FLRT2: variants seen among roughly 807,000 people sequenced by gnomAD.
FLRT2 encodes the protein fibronectin leucine rich transmembrane protein 2.
FLRT2 carries 15 observed loss-of-function variants against 40.0 expected under a neutral mutation model. The ratio of observed to expected loss-of-function variants is 0.38; its 90% CI spans 0.25 to 0.58. The LOEUF (loss-of-function observed/expected upper bound fraction) is 0.58. Among genes scored for constraint, FLRT2 ranks in the 20% least tolerant of loss-of-function variants. FLRT2 has a pLI of 0.71. For synonymous variants in FLRT2, 380 were observed against 336.8 expected (o/e 1.13, Z -1.41); for missense variants, 726 against 840.0 (o/e 0.86, Z 1.68).
chr14:85,622,628 C>T lies in FLRT2; in HGVS notation c.1114C>T (p.Pro372Ser), dbSNP rs1172975541. ...TTTPGLPLFT[P>S]APSTASPTTQ... ...GACCCCCGGCCTGCCTCTCTTCACC[C>T]CAGCCCCAAGTACAGCTTCTCCGAC... The change falls in exon 2 of 2, where the codon CCA becomes TCA. Residue 372 changes from proline (P) to serine (S), a missense_variant. By Grantham distance (74) the Pro-to-Ser change is moderately conservative. This residue lies in a region of FLRT2 where 611 missense variants were observed against 690.0 expected (regional missense o/e 0.89). Coordinates refer to ENST00000330753, the MANE Select transcript of FLRT2 (RefSeq NM_013231.6). The T allele has an allele frequency of 6.2e-7, 1 of 1,613,896 alleles. No individual in the cohort carries two copies. The highest frequency in any genetic ancestry group is 8.5e-7 in the Non-Finnish European group (1 of 1,179,994).
rs559575756 is a variant in FLRT2 at position 85,600,922 on chromosome 14, T to A, written c.-376-20217T>A. Among the ~76,000 whole-genome samples, 18 of 152,318 alleles carry A rather than the reference T, an allele frequency of 1.2e-4. No individual in the cohort carries two copies. In the East Asian group the frequency reaches 3.3e-3, roughly 28 times the overall value. On this transcript the variant is annotated intron_variant, in intron 1 of 1. Coordinates refer to ENST00000330753, the MANE Select transcript of FLRT2 (RefSeq NM_013231.6). ...TTATCCATTCTAACTGCTTAATAGA[T>A]GTTCGTTGAATGACAAGTTTAGTCT...
In FLRT2 at chr14:85,541,020, T is replaced by C. The variant is rs531821823; in HGVS notation, c.-377+10486T>C. On this transcript the variant is annotated intron_variant, in intron 1 of 1. Coordinates refer to ENST00000330753, the MANE Select transcript of FLRT2 (RefSeq NM_013231.6). ...TCTTATGTACTATGGGGAGGAAGTA[T>C]GGTTATAGCCTGAAGCTAGGTAGTG... Among the ~76,000 whole-genome samples the C allele has an allele frequency of 5.1e-4, 77 of 152,234 alleles. 1 individual carries two copies. The South Asian group carries it at 0.016, about 31-fold the overall frequency.
chr14:85,578,709 G>T (rs139760352), intron 1 of FLRT2, among the ~76,000 whole-genome samples: 1 of 151,982 alleles, frequency 6.6e-6, no homozygotes, highest in South Asian at 2.1e-4. Flanking sequence ...TTTACTTTAC[G>T]TACCTCAACC....
chr14:85,546,281 G>T (rs547114277), intron 1 of FLRT2, among the ~76,000 whole-genome samples: 1 of 152,102 alleles, frequency 6.6e-6, no homozygotes, highest in Non-Finnish European at 1.5e-5. Flanking sequence ...TAATACTGTC[G>T]AAATTATGTG....
At chr14:85,562,451 T>C (rs1002957152) in intron 1 of FLRT2, among the ~76,000 whole-genome samples, 1 of 152,116 alleles carries the variant, frequency 6.6e-6, no homozygotes, top group African/African-American at 2.4e-5. Context: ...GTTATTTGAC[T>C]TTTGGGAAAC....
At chr14:85,564,956 A>G (rs560518116) in intron 1 of FLRT2, among the ~76,000 whole-genome samples, 1 of 152,310 alleles carries the variant, frequency 6.6e-6, no homozygotes, top group African/African-American at 2.4e-5. Context: ...CTGCCTTACC[A>G]TTTCTATGAT....
intron 1 of FLRT2, among the ~76,000 whole-genome samples, chr14:85,563,272 G>A (rs1042708933): frequency 6.6e-6 from 1 of 152,066 alleles, no homozygotes; most frequent in Non-Finnish European, 1.5e-5. Flanking sequence ...ACTTCCTAAT[G>A]GTGAGATTGG....
At chr14:85,566,018 A>C (rs1890601428) in intron 1 of FLRT2, among the ~76,000 whole-genome samples, 1 of 152,168 alleles carries the variant, frequency 6.6e-6, no homozygotes, top group African/African-American at 2.4e-5. Flanking sequence ...CGATGTTCCC[A>C]CCAATCATTA....
chr14:85,558,357 A>G (rs191183293), intron 1 of FLRT2, among the ~76,000 whole-genome samples: 208 of 152,266 alleles, frequency 1.4e-3, no homozygotes, highest in African/African-American at 4.8e-3. Flanking sequence ...GTAAATAAGG[A>G]TAAAAGAAAA....
At chr14:85,555,181 C>T (rs1004004400) in intron 1 of FLRT2, among the ~76,000 whole-genome samples, 2 of 152,030 alleles carry the variant, frequency 1.3e-5, no homozygotes, top group Admixed American at 6.6e-5. Flanking sequence ...ACTTATGAGG[C>T]CAAAAAGGTT....
intron 1 of FLRT2, among the ~76,000 whole-genome samples, chr14:85,600,050 T>C (rs2139331758): frequency 6.6e-6 from 1 of 152,278 alleles, no homozygotes; most frequent in Admixed American, 6.5e-5. Flanking sequence ...GTGACGCAAG[T>C]GCAGTTCAGC....
At position 85,636,532 on chromosome 14, in the gene FLRT2, G is replaced by A. The variant is rs991097160; in HGVS notation, c.*13035G>A. On this transcript the variant is annotated 3_prime_UTR_variant, in exon 2 of 2. Coordinates refer to ENST00000330753, the MANE Select transcript of FLRT2 (RefSeq NM_013231.6). Reference sequence around the variant, plus strand: ...TCACTATGGAAGTAATTACTCTAAAGGAAATCTGTTTTAAAAAGCCAGTAT... The same window carrying A: ...TCACTATGGAAGTAATTACTCTAAAAGAAATCTGTTTTAAAAAGCCAGTAT... 8.1e-4 allele frequency: 123 copies of A among 151,630 alleles called. No homozygotes were observed. The highest frequency in any genetic ancestry group is 7.4e-5 in the Non-Finnish European group (5 of 67,960). 9.4% of individuals were successfully genotyped at this position (151,630 alleles called of 1,614,324 possible).
rs1894079550 is a variant in FLRT2 at position 85,638,970 on chromosome 14, C to T, written c.*15473C>T. On this transcript the variant is annotated 3_prime_UTR_variant, in exon 2 of 2. Transcript: ENST00000330753. Reference sequence around the variant, plus strand: ...ATTCTTTGAACGAAGCCCAGTGAAACCAAGTTTATCAACTCTATCTGAAAA... The same window carrying T: ...ATTCTTTGAACGAAGCCCAGTGAAATCAAGTTTATCAACTCTATCTGAAAA... 1 of 152,178 alleles carries T rather than the reference C, an allele frequency of 6.6e-6. No homozygotes were observed. The highest frequency in any genetic ancestry group is 2.1e-4 in the South Asian group (1 of 4,826). 9.4% of individuals were successfully genotyped at this position (152,178 alleles called of 1,614,324 possible). A position where few individuals can be genotyped will look rare whatever the true frequency, so the allele number is the denominator to read the frequency against.
rs1288638345 is a variant in FLRT2, at chr14:85,643,324, T to C, written c.*19827T>C. On this transcript the variant is annotated 3_prime_UTR_variant, in exon 2 of 2. Transcript: ENST00000330753. ...CTTTCTTTCTTTCTTTCTTTCTTTCTTTCTTTCTTTCTTTCTTTCTTTCTT... is the reference window on the plus strand; with the variant it reads ...CTTTCTTTCTTTCTTTCTTTCTTTCCTTCTTTCTTTCTTTCTTTCTTTCTT... The C allele has an allele frequency of 8.9e-6, 1 of 112,576 alleles. No homozygotes were observed. Among genetic ancestry groups the C allele is most frequent in the Non-Finnish European group, 1.8e-5 (1 of 56,702 alleles). The allele number at this position is 112,576 out of a possible 1,614,324, so 7.0% of individuals were successfully genotyped here.
intron 1 of FLRT2, among the ~76,000 whole-genome samples, chr14:85,595,700 G>A (rs894295638): frequency 2.6e-5 from 4 of 152,090 alleles, no homozygotes; most frequent in South Asian, 2.1e-4. Context: ...AAAGGGCATC[G>A]ATAGAATTAA....
chr14:85,534,828 G>A (rs1888544171), intron 1 of FLRT2, among the ~76,000 whole-genome samples: 1 of 149,818 alleles, frequency 6.7e-6, no homozygotes, highest in Non-Finnish European at 1.5e-5. Context: ...AAAGATTCCA[G>A]CCCCAACTCC....
chr14:85,584,102 C>T (rs373521150), intron 1 of FLRT2, among the ~76,000 whole-genome samples: 1 of 152,126 alleles, frequency 6.6e-6, no homozygotes, highest in African/African-American at 2.4e-5. Context: ...ACTTCCTCAC[C>T]AGTGAGTTTG....
Position 85,625,199 on chromosome 14 carries a change from C to A in FLRT2, c.*1702C>A, listed in dbSNP as rs1893622000. The A allele has an allele frequency of 6.0e-6, 1 of 166,990 alleles. No homozygotes were observed. Among genetic ancestry groups the A allele is most frequent in the Admixed American group, 6.5e-5 (1 of 15,270 alleles). The allele number at this position is 166,990 out of a possible 1,614,324, so 10.3% of individuals were successfully genotyped here. A position where few individuals can be genotyped will look rare whatever the true frequency, so the allele number is the denominator to read the frequency against. On this transcript the variant is annotated 3_prime_UTR_variant, in exon 2 of 2. Transcript: ENST00000330753. Reference sequence around the variant, plus strand: ...AAAACTACTCCCTTGGAAAAAATATCTTTCGAAAATCAAATTTAAACATTT... The same window carrying A: ...AAAACTACTCCCTTGGAAAAAATATATTTCGAAAATCAAATTTAAACATTT...
chr14:85,581,665 A>G (rs1306055154), intron 1 of FLRT2, among the ~76,000 whole-genome samples: 1 of 152,240 alleles, frequency 6.6e-6, no homozygotes, highest in Non-Finnish European at 1.5e-5. Context: ...ACATTCTTAC[A>G]AAGTTTGTTT....
Sources: gnomAD v4.1 joint callset for allele counts (sites outside exome capture counted in the v4.1 genomes callset) on GRCh38, gnomAD v4.1.1 for gene constraint, gnomAD v4.1.1 regional missense constraint, MANE v1.5 for transcripts, NCBI Gene and HGNC (gene_info 2026-07-23, HGNC 2026-07-21) for gene names.